Variants in CDC6 observed in about 807,000 individuals in gnomAD.
The protein encoded by CDC6 is cell division cycle 6.
In CDC6, 46 loss-of-function variants were observed where a neutral mutation model predicts 60.2. That is an observed-to-expected ratio of 0.76 (90% CI 0.60 to 0.98). The LOEUF (loss-of-function observed/expected upper bound fraction) is 0.98. Ranked by LOEUF, CDC6 falls within the 50% of genes least tolerant of loss-of-function variation. The pLI, the probability that CDC6 is intolerant of heterozygous loss-of-function variation, is 0.00. For synonymous variants in CDC6, 210 were observed against 233.2 expected (o/e 0.90, Z 0.90); for missense variants, 596 against 652.9 (o/e 0.91, Z 0.95).
Position 40,291,036 on chromosome 17 carries a change from TTTTTA to T in CDC6, c.179-14_179-10del. 1 of 1,613,372 alleles carries T rather than the reference TTTTTA, an allele frequency of 6.2e-7. No homozygotes were observed. The highest frequency in any genetic ancestry group is 8.5e-7 in the Non-Finnish European group (1 of 1,179,342). On this transcript the variant is annotated splice_polypyrimidine_tract_variant and intron_variant, in intron 2 of 11. Transcript: ENST00000209728. ...CTATCCAATGCTATGAGTGACTACA[TTTTTA>T]TTTTATTGTGTTTCAGGCGATGACA...
At chr17:40,298,207 T>C (rs2032885312) in intron 9 of CDC6, among the ~76,000 whole-genome samples, 1 of 152,220 alleles carries the variant, frequency 6.6e-6, no homozygotes. Flanking sequence ...TAGACTTAGA[T>C]ACTGGTTTCT....
chr17:40,301,972 G>C lies in CDC6; in HGVS notation c.1654G>C (p.Gly552Arg), dbSNP rs776903142. Residue 552 changes from glycine to arginine, a missense_variant, in exon 12 of 12, where the codon GGA becomes CGA. Transcript: ENST00000209728. ...TGCTCTGAAAGATAAAGCTTTAATTGGAAATATCTTAGCTACTGGATTGCC... is the reference window on the plus strand; with the variant it reads ...TGCTCTGAAAGATAAAGCTTTAATTCGAAATATCTTAGCTACTGGATTGCC... ...EHALKDKALI[G>R]NILATGLP 1 of 1,594,116 alleles carries C rather than the reference G, an allele frequency of 6.3e-7. No homozygotes were observed. Among genetic ancestry groups the C allele is most frequent in the South Asian group, 1.1e-5 (1 of 90,628 alleles).
Position 40,297,541 on chromosome 17 carries a change from T to C in CDC6, c.1249+774T>C, listed in dbSNP as rs148454489. 2.6e-5 allele frequency among the ~76,000 whole-genome samples: 4 copies of C among 152,102 alleles called. No individual in the cohort carries two copies. In the East Asian group the frequency reaches 7.7e-4, roughly 29 times the overall value. On this transcript the variant is annotated intron_variant, in intron 9 of 11. Transcript: ENST00000209728. ...AAAACCTAGATGACAGGTTGATGAG[T>C]GCAGCAAGCCACCATGGCACATGTA...
intron 2 of CDC6, 23 bp from the exon 3 acceptor site, chr17:40,291,035 A>G (rs776944150): frequency 6.8e-6 from 11 of 1,613,258 alleles, no homozygotes; most frequent in South Asian, 1.1e-5. Context: ...GAGTGACTAC[A>G]TTTTTATTTT....
intron 5 of CDC6, 150 bp from the exon 6 acceptor site, chr17:40,293,800 G>A: frequency 2.3e-6 from 2 of 872,368 alleles, no homozygotes. Flanking sequence ...TAGATGATGT[G>A]GGGTATCCTT....
chr17:40,289,934 A>G (rs1362057387), intron 2 of CDC6, among the ~76,000 whole-genome samples: 2 of 149,320 alleles, frequency 1.3e-5, no homozygotes, highest in African/African-American at 5.0e-5. Flanking sequence ...ATATTGGCCA[A>G]TCTGGTCTCT....
chr17:40,293,611 T>G lies in CDC6; in HGVS notation c.816T>G (p.Thr272=), dbSNP rs1256000766. The G allele has an allele frequency of 6.2e-7, 1 of 1,613,308 alleles. No individual in the cohort carries two copies. The highest frequency in any genetic ancestry group is 8.5e-7 in the Non-Finnish European group (1 of 1,179,336). ...DMMRKLEKHM[T]AEKGPMIVLV... is the part of the protein sequence containing the mutation. Reference sequence around the variant, plus strand: ...TGAGGAAATTGGAAAAACATATGACTGCAGAGAAGGGCCCCATGATGTAAG... The same window carrying G: ...TGAGGAAATTGGAAAAACATATGACGGCAGAGAAGGGCCCCATGATGTAAG... The change falls in exon 5 of 12, where the codon ACT becomes ACG. Residue 272 remains threonine, a synonymous_variant. Coordinates refer to ENST00000209728, the MANE Select transcript of CDC6 (RefSeq NM_001254.4).
At chr17:40,298,443 C>G (rs1309545580) in intron 9 of CDC6, among the ~76,000 whole-genome samples, 2 of 151,314 alleles carry the variant, frequency 1.3e-5, no homozygotes, top group African/African-American at 4.9e-5. Context: ...GCTTTGTCTC[C>G]CAGGCTGGAG....
chr17:40,291,808 C>T (rs1344666221), intron 4 of CDC6, 140 bp downstream of exon 4: 10 of 833,304 alleles, frequency 1.2e-5, no homozygotes, highest in East Asian at 2.6e-5. Flanking sequence ...TGCAGTGGCG[C>T]GATCTCGGCT....
In CDC6 at chr17:40,289,560, G is replaced by A. The variant is rs1215372904; in HGVS notation, c.140G>A (p.Arg47His). The A allele has an allele frequency of 3.7e-6, 6 of 1,613,796 alleles. No individual in the cohort carries two copies. The East Asian group carries it at 8.9e-5, about 24-fold the overall frequency. ...GTCCAAACCGTAACCTGTTCTCCTC[G>A]TGTAAAAGCCCTGCCTCTCAGCCCC... is the stretch of plus-strand genomic sequence containing the variant. ...TNVQTVTCSPRVKALPLSPRK... is the reference protein window; with the variant it reads ...TNVQTVTCSPHVKALPLSPRK... The change falls in exon 2 of 12, where the codon CGT becomes CAT. Residue 47 changes from arginine (R) to histidine (H), a missense_variant. By Grantham distance (29) the Arg-to-His change is conservative. Transcript: ENST00000209728.
At chr17:40,299,136 G>GTTTTTTTTT (rs2032900365) in intron 9 of CDC6, among the ~76,000 whole-genome samples, 13 of 101,646 alleles carry the variant, frequency 1.3e-4, no homozygotes, top group East Asian at 4.1e-4. Flanking sequence ...TAAGGCCATA[G>GTTTTTTTTT]TCTTTTTTTT....
chr17:40,292,153 C>T (rs949666883), intron 4 of CDC6, among the ~76,000 whole-genome samples: 1 of 152,180 alleles, frequency 6.6e-6, no homozygotes, highest in Non-Finnish European at 1.5e-5. Context: ...CCTCCCACCT[C>T]GGCCTCCTGG....
intron 7 of CDC6, among the ~76,000 whole-genome samples, chr17:40,295,079 C>G (rs2032838808): frequency 6.6e-6 from 1 of 152,144 alleles, no homozygotes; most frequent in Admixed American, 6.5e-5. Context: ...AAAACTTTTT[C>G]TGTTGAAAAT....
intron 2 of CDC6, among the ~76,000 whole-genome samples, chr17:40,289,811 C>T (rs558088626): frequency 3.4e-5 from 5 of 148,356 alleles, no homozygotes; most frequent in South Asian, 4.3e-4. Flanking sequence ...TGGGTTCAAG[C>T]GATTCTCCTG....
chr17:40,300,244 G>A (rs537649921), intron 9 of CDC6, among the ~76,000 whole-genome samples: 8 of 152,294 alleles, frequency 5.3e-5, no homozygotes, highest in South Asian at 2.1e-4. Flanking sequence ...GATTACAGGC[G>A]TGAGCCACTG....
At chr17:40,296,821 C>T in intron 9 of CDC6, 54 bp downstream of exon 9, 3 of 1,129,744 alleles carry the variant, frequency 2.7e-6, no homozygotes, top group Admixed American at 3.4e-5. Flanking sequence ...CTTAGCTTTT[C>T]TGAGGAAAGA....
intron 4 of CDC6, among the ~76,000 whole-genome samples, chr17:40,292,717 TAGG>T (rs2143080852): frequency 6.7e-6 from 1 of 149,748 alleles, no homozygotes; most frequent in Non-Finnish European, 1.5e-5. Context: ...ATCATGAGGT[TAGG>T]AGATTGAGAC....
chr17:40,292,967 G>A (rs772611045), intron 4 of CDC6, among the ~76,000 whole-genome samples: 11 of 151,844 alleles, frequency 7.2e-5, no homozygotes, highest in South Asian at 2.1e-4. Context: ...GGCCTGGTGC[G>A]GTGGCTCACA....
intron 9 of CDC6, among the ~76,000 whole-genome samples, chr17:40,299,943 G>A (rs1403405891): frequency 1.3e-5 from 2 of 151,870 alleles, no homozygotes; most frequent in East Asian, 1.9e-4. Context: ...CAAAATATTC[G>A]GTAATTTTCC....
Sources: allele counts gnomAD v4.1 joint callset (sites outside exome capture counted in the v4.1 genomes callset), GRCh38; gene constraint gnomAD v4.1.1; transcripts MANE v1.5; gene names NCBI Gene and HGNC (gene_info 2026-07-23, HGNC 2026-07-21).